The following PDHX variants were observed in gnomAD, a reference collection of about 807,000 sequenced individuals.
PDHX encodes pyruvate dehydrogenase protein X component, mitochondrial.
PDHX carries 33 observed loss-of-function variants against 55.3 expected under a neutral mutation model. The ratio of observed to expected loss-of-function variants is 0.60; its 90% CI spans 0.45 to 0.80. The LOEUF is 0.80. Among genes scored for constraint, PDHX ranks in the 30% least tolerant of loss-of-function variants. The pLI is 0.00. For missense variants in PDHX, 622 were observed against 619.9 expected, an observed-to-expected ratio of 1.00 and a Z score of -0.04; for synonymous variants, 226 against 219.4, an observed-to-expected ratio of 1.03 and a Z score of -0.27.
chr11:34,966,220 T>C (rs7932205), intron 5 of PDHX, among the ~76,000 whole-genome samples: 1,568 of 152,336 alleles, frequency 0.01, 23 homozygotes, highest in African/African-American at 0.037. Context: ...ATGTAGGAAG[T>C]ATCCTGGTGA....
At chr11:34,950,192 T>G (rs1854722233) in intron 3 of PDHX, among the ~76,000 whole-genome samples, 1 of 152,032 alleles carries the variant, frequency 6.6e-6, no homozygotes, top group South Asian at 2.1e-4. Flanking sequence ...TTTTAATGGT[T>G]TGAAAGTTTA....
At chr11:34,920,527 A>C (rs551161873) in intron 1 of PDHX, among the ~76,000 whole-genome samples, 1 of 152,188 alleles carries the variant, frequency 6.6e-6, no homozygotes, top group Admixed American at 6.5e-5. Flanking sequence ...TTATGGCAAA[A>C]TTTTAAAATC....
At chr11:34,987,020 A>G (rs1855661029) in intron 9 of PDHX, among the ~76,000 whole-genome samples, 2 of 152,326 alleles carry the variant, frequency 1.3e-5, no homozygotes, top group East Asian at 1.9e-4. Context: ...AGTTTTAGCA[A>G]CTTTGATAAA....
rs139199177 is a variant in PDHX at position 34,947,529 on chromosome 11, G to A, written c.265G>A (p.Ala89Thr). 10 of 1,613,028 alleles carry A rather than the reference G, an allele frequency of 6.2e-6. No individual in the cohort carries two copies. Among genetic ancestry groups the A allele is most frequent in the Non-Finnish European group, 7.6e-6 (9 of 1,179,200 alleles). The stretch of plus-strand genomic sequence containing the variant: ...AGGTGAAGCGGTGAGTGCTGGAGAT[G>A]CATTATGTGAAATTGAGACTGACAA... ...KEGEAVSAGD[A>T]LCEIETDKAV... The change falls in exon 3 of 11, where the codon GCA becomes ACA. Residue 89 changes from alanine (A) to threonine (T), a missense_variant. By Grantham distance (58) the Ala-to-Thr change is moderately conservative. Coordinates refer to ENST00000227868, the MANE Select transcript of PDHX (RefSeq NM_003477.3).
At chr11:34,981,464 T>G (rs977300994) in intron 8 of PDHX, among the ~76,000 whole-genome samples, 3 of 152,210 alleles carry the variant, frequency 2.0e-5, no homozygotes, top group Non-Finnish European at 4.4e-5. Flanking sequence ...TAAACATATG[T>G]GTGCATGTGT....
At chr11:34,916,924 C>T in intron 1 of PDHX, 109 bp downstream of exon 1, 1 of 1,074,972 alleles carries the variant, frequency 9.3e-7, no homozygotes, top group Non-Finnish European at 1.4e-6. Flanking sequence ...GCGCGGGCTC[C>T]TTATTCCCTT....
Position 34,957,411 on chromosome 11 carries a change from CTAGGTTCACTAATTGGTTTGA to C in PDHX, c.374_394del (p.Gly125_Ile131del). The C allele has an allele frequency of 6.2e-7, 1 of 1,611,284 alleles. No individual in the cohort carries two copies. Among genetic ancestry groups the C allele is most frequent in the Non-Finnish European group, 8.5e-7 (1 of 1,177,480 alleles). ...TGAAGAAGGAAGTAAAAATATACGGCTAGGTTCACTAATTGGTTTGATAGTAGAAGAAGGAGAAGATTGGAA... is the reference window on the plus strand; with the variant it reads ...TGAAGAAGGAAGTAAAAATATACGGCTAGTAGAAGAAGGAGAAGATTGGAA... On this transcript the variant is annotated inframe_deletion, in exon 4 of 11. Coordinates refer to ENST00000227868, the MANE Select transcript of PDHX (RefSeq NM_003477.3).
intron 2 of PDHX, chr11:34,941,908 G>A (rs748356067): frequency 1.9e-5 from 3 of 153,976 alleles, no homozygotes; most frequent in African/African-American, 4.8e-5. Context: ...CCGCACTCTC[G>A]CTCTGGGCCC....
chr11:34,989,634 C>T (rs1302224998), intron 9 of PDHX, among the ~76,000 whole-genome samples: 1 of 152,196 alleles, frequency 6.6e-6, no homozygotes, highest in Admixed American at 6.5e-5. Flanking sequence ...ACACTTCCCT[C>T]TGATCGTCAC....
Position 34,995,048 on chromosome 11 carries a change from T to C in PDHX, c.1382T>C (p.Leu461Pro), listed in dbSNP as rs141886009. 1.4e-5 allele frequency: 22 copies of C among 1,613,966 alleles called. No homozygotes were observed. The highest frequency in any genetic ancestry group is 1.2e-5 in the Non-Finnish European group (14 of 1,179,956). ...LTEDEEGNAK[L>P]QQRQLITVTM... is the part of the protein sequence containing the mutation. Reference sequence around the variant, plus strand: ...GAGGATGAAGAGGGAAATGCCAAACTGCAGCAGCGCCAGCTCATAACAGTC... The same window carrying C: ...GAGGATGAAGAGGGAAATGCCAAACCGCAGCAGCGCCAGCTCATAACAGTC... Residue 461 changes from leucine to proline, a missense_variant, in exon 11 of 11, where the codon CTG becomes CCG. By Grantham distance (98) the Leu-to-Pro change is moderately conservative. Transcript: ENST00000227868.
intron 1 of PDHX, among the ~76,000 whole-genome samples, chr11:34,925,712 G>T (rs1156421965): frequency 6.6e-6 from 1 of 152,074 alleles, no homozygotes; most frequent in Non-Finnish European, 1.5e-5. Context: ...GTACAAGCTG[G>T]GCAGGTAGTA....
intron 2 of PDHX, among the ~76,000 whole-genome samples, chr11:34,943,052 T>C (rs1038438159): frequency 1.0e-5 from 1 of 95,258 alleles, no homozygotes; most frequent in Non-Finnish European, 2.8e-5. Context: ...CGTGAAGTTA[T>C]CATGTTTTTT....
intron 1 of PDHX, among the ~76,000 whole-genome samples, chr11:34,930,380 A>G (rs1854128023): frequency 6.6e-6 from 1 of 152,228 alleles, no homozygotes; most frequent in African/African-American, 2.4e-5. Context: ...CAGCTTCCCA[A>G]GAGAAATATT....
chr11:34,951,350 C>T (rs11032948), intron 3 of PDHX, among the ~76,000 whole-genome samples: 30,413 of 151,972 alleles, frequency 0.2, 3,931 homozygotes, highest in East Asian at 0.44. Flanking sequence ...TGAGCCACCG[C>T]GCCCGGCCTG....
At chr11:34,951,620 C>T (rs1445781825) in intron 3 of PDHX, among the ~76,000 whole-genome samples, 11 of 152,158 alleles carry the variant, frequency 7.2e-5, no homozygotes, top group South Asian at 2.1e-4. Flanking sequence ...GAGTACGTTG[C>T]GGAAATTTTC....
chr11:34,965,865 A>G (rs1367279026), intron 5 of PDHX, among the ~76,000 whole-genome samples: 3 of 152,176 alleles, frequency 2.0e-5, no homozygotes, highest in Non-Finnish European at 2.9e-5. Context: ...ATTGGAAAAA[A>G]TACTTTCCAA....
At chr11:34,978,903 T>G (rs1157847874) in intron 8 of PDHX, among the ~76,000 whole-genome samples, 1 of 152,176 alleles carries the variant, frequency 6.6e-6, no homozygotes, top group Admixed American at 6.6e-5. Flanking sequence ...ATAACTAATG[T>G]GATCTGACTT....
intron 3 of PDHX, among the ~76,000 whole-genome samples, chr11:34,950,373 A>T (rs570119545): frequency 8.0e-4 from 118 of 146,964 alleles, no homozygotes; most frequent in Admixed American, 2.6e-3. Context: ...TATTTATTTT[A>T]TTATTATTAT....
chr11:34,972,323 T>C (rs148297368), intron 7 of PDHX, among the ~76,000 whole-genome samples: 1 of 152,134 alleles, frequency 6.6e-6, no homozygotes, highest in East Asian at 1.9e-4. Context: ...GAGACCTTTA[T>C]TTTTTAATAT....
Sources: gnomAD v4.1 joint callset for allele counts (sites outside exome capture counted in the v4.1 genomes callset) on GRCh38, gnomAD v4.1.1 for gene constraint, MANE v1.5 for transcripts, NCBI Gene and HGNC (gene_info 2026-07-23, HGNC 2026-07-21) for gene names.